The following BPIFB4 variants were observed in gnomAD, a reference collection of about 807,000 sequenced individuals.
BPIFB4 encodes the protein BPI fold containing family B member 4, also known as BPI fold-containing family B member 4.
In BPIFB4, 62 loss-of-function variants were observed where a neutral mutation model predicts 69.2. The observed-to-expected ratio is 0.90, with a 90% CI of 0.73 to 1.11. The LOEUF is 1.11. Ranked by LOEUF, BPIFB4 falls within the 50% of genes least tolerant of loss-of-function variation. The pLI, the probability that BPIFB4 is intolerant of heterozygous loss-of-function variation, is 0.00. For synonymous variants in BPIFB4, 330 were observed against 332.7 expected (o/e 0.99, Z 0.09); for missense variants, 789 against 792.0 (o/e 1.00, Z 0.04).
intron 10 of BPIFB4, among the ~76,000 whole-genome samples, chr20:33,091,936 C>G (rs1012377076): frequency 6.6e-6 from 1 of 152,162 alleles, no homozygotes; most frequent in Non-Finnish European, 1.5e-5. Flanking sequence ...GAGCTGAGAG[C>G]TGCCAGATGA....
intron 6 of BPIFB4, 34 bp downstream of exon 6, chr20:33,085,030 A>G (rs1981382383): frequency 6.3e-7 from 1 of 1,595,546 alleles, no homozygotes; most frequent in Non-Finnish European, 8.5e-7. Context: ...GGTCCCCACC[A>G]CCCTATGGCC....
At chr20:33,097,267 G>A (rs546177463) in intron 12 of BPIFB4, among the ~76,000 whole-genome samples, 1 of 152,304 alleles carries the variant, frequency 6.6e-6, no homozygotes, top group South Asian at 2.1e-4. Context: ...TACCCCATGG[G>A]TTGTTGTAAT....
Position 33,083,488 on chromosome 20 carries a change from T to G in BPIFB4, c.291T>G (p.Ala97=), listed in dbSNP as rs990754304. Residue 97 remains alanine, a synonymous_variant, in exon 5 of 18, where the codon GCT becomes GCG. Transcript: ENST00000375483. Reference sequence around the variant, plus strand: ...ACATTGAGACCAACGACAACACTGCTCAGCTGGGGGGCAAATACCGATATG... The same window carrying G: ...ACATTGAGACCAACGACAACACTGCGCAGCTGGGGGGCAAATACCGATATG... ...YGHIETNDNT[A]QLGGKYRYGE... is the part of the protein sequence containing the mutation. 6.2e-7 allele frequency: 1 copy of G among 1,613,268 alleles called. No individual in the cohort carries two copies. The highest frequency in any genetic ancestry group is 1.7e-5 in the Admixed American group (1 of 59,936).
chr20:33,091,312 A>G (rs1032222965), intron 10 of BPIFB4, among the ~76,000 whole-genome samples: 1 of 152,232 alleles, frequency 6.6e-6, no homozygotes, highest in Admixed American at 6.5e-5. Context: ...TATCCATGGT[A>G]TCAAAACTCC....
intron 2 of BPIFB4, among the ~76,000 whole-genome samples, chr20:33,081,076 C>A (rs543171840): frequency 3.9e-5 from 6 of 151,952 alleles, no homozygotes; most frequent in African/African-American, 1.5e-4. Context: ...AGAATAAATA[C>A]GAAGGGGAGA....
At position 33,102,891 on chromosome 20, in the gene BPIFB4, T is replaced by A. The variant is rs1046297438; in HGVS notation, c.1638-81T>A. The A allele has an allele frequency of 2.3e-5, 32 of 1,379,972 alleles. No homozygotes were observed. In the African/African-American group the frequency reaches 4.3e-4, roughly 18 times the overall value. The allele number at this position is 1,379,972 out of a possible 1,614,324, so 85.5% of individuals were successfully genotyped here. A position where few individuals can be genotyped will look rare whatever the true frequency, so the allele number is the denominator to read the frequency against. On this transcript the variant is annotated intron_variant, in intron 14 of 17. Transcript: ENST00000375483. ...TGATCGTGAGGATAGTGGAGGGGCTTCTCACAATTTGTTGCAATGCAAGAG... is the reference window on the plus strand; with the variant it reads ...TGATCGTGAGGATAGTGGAGGGGCTACTCACAATTTGTTGCAATGCAAGAG...
At chr20:33,095,301 T>C in intron 12 of BPIFB4, 148 bp downstream of exon 12, 1 of 871,000 alleles carries the variant, frequency 1.1e-6, no homozygotes, top group Non-Finnish European at 1.9e-6. Context: ...GACAAGGGCT[T>C]GCAGGCTAGA....
intron 17 of BPIFB4, among the ~76,000 whole-genome samples, chr20:33,110,033 T>C (rs1361379959): frequency 6.6e-6 from 1 of 152,206 alleles, no homozygotes; most frequent in African/African-American, 2.4e-5. Context: ...TGTTAGCATC[T>C]TACATAAACA....
chr20:33,083,484 C>G lies in BPIFB4; in HGVS notation c.287C>G (p.Thr96Ser), dbSNP rs781449221. 4.3e-6 allele frequency: 7 copies of G among 1,613,934 alleles called. No individual in the cohort carries two copies. The South Asian group carries it at 7.7e-5, about 18-fold the overall frequency. Reference sequence around the variant, plus strand: ...GGTCACATTGAGACCAACGACAACACTGCTCAGCTGGGGGGCAAATACCGA... The same window carrying G: ...GGTCACATTGAGACCAACGACAACAGTGCTCAGCTGGGGGGCAAATACCGA... Reference protein sequence around the residue: ...QYGHIETNDNTAQLGGKYRYG... With the variant: ...QYGHIETNDNSAQLGGKYRYG... The change falls in exon 5 of 18, where the codon ACT (threonine) becomes AGT (serine). Residue 96 changes from threonine to serine, a missense_variant. Thr to Ser is a moderately conservative substitution (Grantham distance 58, BLOSUM62 1). Around this residue, in one of 3 missense-constraint regions of BPIFB4, gnomAD observed 611 missense variants for 575.4 expected, o/e 1.06. Transcript: ENST00000375483.
Position 33,095,081 on chromosome 20 carries a change from CCTT to C in BPIFB4, c.1345-12_1345-10del. ...CGATAGCCTCCAGGATTCACGTGGCCCTTCTTCTTGTCCTATAGTTTGAAGAGC... is the reference window on the plus strand; with the variant it reads ...CGATAGCCTCCAGGATTCACGTGGCCCTTCTTGTCCTATAGTTTGAAGAGC... On this transcript the variant is annotated splice_polypyrimidine_tract_variant and intron_variant, in intron 11 of 17. Transcript: ENST00000375483. 2 of 1,604,362 alleles carry C rather than the reference CCTT, an allele frequency of 1.2e-6. No individual in the cohort carries two copies. The highest frequency in any genetic ancestry group is 1.1e-5 in the South Asian group (1 of 90,874).
chr20:33,081,418 C>T lies in BPIFB4; in HGVS notation c.-15-94C>T, dbSNP rs1345324364. 1.2e-5 allele frequency: 18 copies of T among 1,499,988 alleles called. No homozygotes were observed. In the South Asian group the frequency reaches 2.4e-4, roughly 20 times the overall value. The allele number at this position is 1,499,988 out of a possible 1,614,324, so 92.9% of individuals were successfully genotyped here. ...TCCCCTCTCTCTGGGTCCCAGGGTC[C>T]TGAGATGACTCTTGGCTGGGGCTGC... On this transcript the variant is annotated intron_variant, in intron 2 of 17. Transcript: ENST00000375483.
At chr20:33,085,891 G>A (rs568754136) in intron 6 of BPIFB4, 130 bp from the exon 7 acceptor site, 8 of 1,126,314 alleles carry the variant, frequency 7.1e-6, no homozygotes, top group African/African-American at 1.5e-5. Context: ...AAGAGTTCTG[G>A]GTTGGGTTCC....
chr20:33,100,596 G>A, intron 14 of BPIFB4, 103 bp downstream of exon 14: 1 of 1,094,604 alleles, frequency 9.1e-7, no homozygotes, highest in South Asian at 1.5e-5. Context: ...TCAGGGCTGG[G>A]TAAACCCAAG....
intron 17 of BPIFB4, among the ~76,000 whole-genome samples, chr20:33,109,226 A>T (rs759939495): frequency 6.6e-6 from 1 of 152,226 alleles, no homozygotes; most frequent in Non-Finnish European, 1.5e-5. Context: ...ATTTTATTAT[A>T]AAATGTTATT....
At chr20:33,101,972 C>T (rs1310599654) in intron 14 of BPIFB4, among the ~76,000 whole-genome samples, 2 of 152,126 alleles carry the variant, frequency 1.3e-5, no homozygotes, top group South Asian at 2.1e-4. Context: ...TCTTTTACAA[C>T]CAATATTTCT....
At chr20:33,101,758 C>G (rs892481086) in intron 14 of BPIFB4, among the ~76,000 whole-genome samples, 2 of 152,200 alleles carry the variant, frequency 1.3e-5, no homozygotes, top group African/African-American at 2.4e-5. Flanking sequence ...GTTGGCCAGC[C>G]TGGTCTTGAA....
intron 12 of BPIFB4, among the ~76,000 whole-genome samples, chr20:33,096,800 G>C (rs192346599): frequency 3.0e-4 from 46 of 152,334 alleles, no homozygotes; most frequent in African/African-American, 1.0e-3. Flanking sequence ...GGGCTGCACG[G>C]AGTCACCAGG....
chr20:33,086,908 C>T (rs573378628), intron 7 of BPIFB4, among the ~76,000 whole-genome samples: 1 of 152,350 alleles, frequency 6.6e-6, no homozygotes, highest in East Asian at 1.9e-4. Context: ...ACTCCCTGCC[C>T]TCTTCTTTGG....
At position 33,090,779 on chromosome 20, in the gene BPIFB4, T is replaced by A. The variant is rs781008018; in HGVS notation, c.1123T>A (p.Phe375Ile). Residue 375 changes from phenylalanine (F) to isoleucine (I), a missense_variant, in exon 10 of 18, where the codon TTC becomes ATC. Phe to Ile is a conservative substitution (Grantham distance 21, BLOSUM62 0). Coordinates refer to ENST00000375483, the MANE Select transcript of BPIFB4 (RefSeq NM_182519.3). ...FSSLPLVTGE[F>I]LELDLNTLVG... ...CAGCCTCCCGCTTGTGACCGGGGAATTCCTGGAGCTGGACCTCAACGTGAG... is the reference window on the plus strand; with the variant it reads ...CAGCCTCCCGCTTGTGACCGGGGAAATCCTGGAGCTGGACCTCAACGTGAG... 6.2e-6 allele frequency: 10 copies of A among 1,614,022 alleles called. No homozygotes were observed. Among genetic ancestry groups the A allele is most frequent in the Non-Finnish European group, 8.5e-6 (10 of 1,180,022 alleles).
Sources: allele counts gnomAD v4.1 joint callset (sites outside exome capture counted in the v4.1 genomes callset), GRCh38; gene constraint gnomAD v4.1.1; regional missense constraint gnomAD v4.1.1; transcripts MANE v1.5; gene names NCBI Gene and HGNC (gene_info 2026-07-23, HGNC 2026-07-21).